The following DENND1A variants were observed in gnomAD, a reference collection of about 807,000 sequenced individuals.
The protein encoded by DENND1A is DENN domain containing 1A.
DENND1A carries 51 observed loss-of-function variants against 113.7 expected under a neutral mutation model. The ratio of observed to expected loss-of-function variants is 0.45; its 90% CI spans 0.36 to 0.57. The LOEUF is 0.57. Ranked by LOEUF, DENND1A falls within the 20% of genes least tolerant of loss-of-function variation. The pLI, the probability that DENND1A is intolerant of heterozygous loss-of-function variation, is 0.00. For missense variants in DENND1A, 1,258 were observed against 1,395.9 expected (o/e 0.90, Z 1.57); for synonymous variants, 565 against 570.8 (o/e 0.99, Z 0.14).
intron 21 of DENND1A, among the ~76,000 whole-genome samples, chr9:123,389,879 G>A (rs992242782): frequency 6.6e-6 from 1 of 152,196 alleles, no homozygotes; most frequent in African/African-American, 2.4e-5. Context: ...ACTGCTGAGC[G>A]GCCGTGCCGA....
chr9:123,841,401 C>T (rs1438478685), intron 2 of DENND1A, among the ~76,000 whole-genome samples: 1 of 152,142 alleles, frequency 6.6e-6, no homozygotes, highest in Non-Finnish European at 1.5e-5. Flanking sequence ...ATTTTAAAGG[C>T]ATTTCCACAT....
intron 3 of DENND1A, among the ~76,000 whole-genome samples, chr9:123,780,090 G>C (rs1831071488): frequency 6.6e-6 from 1 of 152,152 alleles, no homozygotes; most frequent in South Asian, 2.1e-4. Context: ...CTGACGTCAA[G>C]TGATCTGCCT....
chr9:123,513,723 A>T (rs939249698), intron 13 of DENND1A, among the ~76,000 whole-genome samples: 3 of 152,236 alleles, frequency 2.0e-5, no homozygotes. Flanking sequence ...GACAGGAAGC[A>T]GCTAGCCAGG....
chr9:123,473,038 C>A (rs760245169), intron 13 of DENND1A, among the ~76,000 whole-genome samples: 1 of 152,214 alleles, frequency 6.6e-6, no homozygotes, highest in African/African-American at 2.4e-5. Context: ...TATTGCCATG[C>A]ATTACATTGC....
intron 12 of DENND1A, among the ~76,000 whole-genome samples, chr9:123,574,675 G>C (rs1467214660): frequency 6.6e-6 from 1 of 152,138 alleles, no homozygotes. Flanking sequence ...GTTTGTTTCT[G>C]GTTGGGCCGG....
intron 11 of DENND1A, among the ~76,000 whole-genome samples, chr9:123,601,628 G>T (rs2059937776): frequency 6.6e-6 from 1 of 152,132 alleles, no homozygotes; most frequent in Non-Finnish European, 1.5e-5. Context: ...TCCACCCAGG[G>T]TTTCACTGAT....
At chr9:123,751,033 C>A (rs1166225133) in intron 5 of DENND1A, among the ~76,000 whole-genome samples, 1 of 152,106 alleles carries the variant, frequency 6.6e-6, no homozygotes, top group Non-Finnish European at 1.5e-5. Flanking sequence ...GCAGCTAACA[C>A]ACAACCCAAA....
intron 19 of DENND1A, among the ~76,000 whole-genome samples, chr9:123,437,480 T>G (rs961296917): frequency 6.6e-6 from 1 of 152,158 alleles, no homozygotes; most frequent in Non-Finnish European, 1.5e-5. Context: ...ACGGTCTCCA[T>G]CCCCACTGGC....
chr9:123,551,441 C>T (rs576096487), intron 13 of DENND1A, among the ~76,000 whole-genome samples: 27 of 152,308 alleles, frequency 1.8e-4, no homozygotes, highest in Admixed American at 7.2e-4. Context: ...GTTACTAACA[C>T]GGAACATGTG....
intron 9 of DENND1A, among the ~76,000 whole-genome samples, chr9:123,630,685 C>A (rs1360653327): frequency 6.6e-6 from 1 of 151,928 alleles, no homozygotes; most frequent in Non-Finnish European, 1.5e-5. Context: ...GATGATAAAG[C>A]TAATATACGA....
At chr9:123,459,792 G>A (rs935086782) in intron 13 of DENND1A, among the ~76,000 whole-genome samples, 1 of 151,476 alleles carries the variant, frequency 6.6e-6, no homozygotes, top group East Asian at 1.9e-4. Context: ...ATTTACTGTC[G>A]AGCTTCCGTA....
chr9:123,688,603 T>C (rs561486130), intron 5 of DENND1A, among the ~76,000 whole-genome samples: 1 of 151,680 alleles, frequency 6.6e-6, no homozygotes, highest in Non-Finnish European at 1.5e-5. Context: ...ATGATGCGCA[T>C]TCCTTCTGTA....
intron 10 of DENND1A, among the ~76,000 whole-genome samples, chr9:123,612,940 C>T (rs2060480609): frequency 6.6e-6 from 1 of 152,174 alleles, no homozygotes; most frequent in African/African-American, 2.4e-5. Context: ...ATGGCTGGCA[C>T]CATTGGACCC....
At chr9:123,470,263 T>C (rs1254843839) in intron 13 of DENND1A, among the ~76,000 whole-genome samples, 1 of 151,996 alleles carries the variant, frequency 6.6e-6, no homozygotes, top group African/African-American at 2.4e-5. Context: ...TGACGACCCC[T>C]GTGCTGCCGC....
intron 5 of DENND1A, among the ~76,000 whole-genome samples, chr9:123,690,276 T>C (rs1191894093): frequency 6.6e-6 from 1 of 152,202 alleles, no homozygotes; most frequent in African/African-American, 2.4e-5. Context: ...GATTATGGGA[T>C]TGTAGAAAAT....
chr9:123,464,310 A>G (rs2048762465), intron 13 of DENND1A, among the ~76,000 whole-genome samples: 1 of 152,228 alleles, frequency 6.6e-6, no homozygotes, highest in African/African-American at 2.4e-5. Context: ...CTCTACTCAC[A>G]TCAGCCAAAA....
intron 5 of DENND1A, among the ~76,000 whole-genome samples, chr9:123,746,476 C>T (rs1018103359): frequency 3.3e-5 from 5 of 152,024 alleles, no homozygotes; most frequent in Non-Finnish European, 5.9e-5. Context: ...ACATATGGGA[C>T]CAGAAATGTT....
intron 13 of DENND1A, among the ~76,000 whole-genome samples, chr9:123,508,547 T>C (rs995727501): frequency 2.0e-5 from 3 of 152,214 alleles, no homozygotes; most frequent in African/African-American, 7.2e-5. Context: ...CCATGATCTT[T>C]TGACAAATAA....
chr9:123,923,121 C>T (rs955813570), intron 1 of DENND1A, among the ~76,000 whole-genome samples: 1 of 152,194 alleles, frequency 6.6e-6, no homozygotes, highest in Admixed American at 6.5e-5. Context: ...ACCGGAACTC[C>T]AGCCAGGAAC....
Sources: allele counts gnomAD v4.1 joint callset (sites outside exome capture counted in the v4.1 genomes callset), GRCh38; gene constraint gnomAD v4.1.1; transcripts MANE v1.5; gene names NCBI Gene and HGNC (gene_info 2026-07-23, HGNC 2026-07-21).